Variants in KPNA4 observed in about 807,000 individuals in gnomAD.
KPNA4 encodes the protein importin subunit alpha-3.
In KPNA4, 13 loss-of-function variants were observed where a neutral mutation model predicts 71.3. The observed-to-expected ratio is 0.18, with a 90% CI of 0.12 to 0.29. The LOEUF (loss-of-function observed/expected upper bound fraction) is 0.29, where lower values mean the gene tolerates loss of function less well. Ranked by LOEUF, KPNA4 falls within the 10% of genes least tolerant of loss-of-function variation. KPNA4 has a pLI of 1.00. For missense variants in KPNA4, 334 were observed against 603.2 expected (o/e 0.55, Z 4.67); for synonymous variants, 189 against 195.2 (o/e 0.97, Z 0.26).
At chr3:160,518,133 T>G (rs540048746) in intron 11 of KPNA4, among the ~76,000 whole-genome samples, 2 of 151,554 alleles carry the variant, frequency 1.3e-5, no homozygotes, top group East Asian at 1.9e-4. Context: ...TTCTGAGTTT[T>G]TTTTTTTTTT....
chr3:160,531,980 C>T (rs1721585140), intron 5 of KPNA4, among the ~76,000 whole-genome samples: 1 of 152,030 alleles, frequency 6.6e-6, no homozygotes, highest in African/African-American at 2.4e-5. Flanking sequence ...TTAGTAGAGA[C>T]GGAGTTTCCT....
chr3:160,525,438 C>T (rs1465860776), intron 10 of KPNA4, among the ~76,000 whole-genome samples: 2 of 152,080 alleles, frequency 1.3e-5, no homozygotes, highest in African/African-American at 4.8e-5. Context: ...GTAAAAAGCA[C>T]AAGAACAATT....
At chr3:160,510,037 C>T (rs1721059846) in intron 13 of KPNA4, among the ~76,000 whole-genome samples, 166 bp from the exon 14 acceptor site, 1 of 152,110 alleles carries the variant, frequency 6.6e-6, no homozygotes, top group South Asian at 2.1e-4. Context: ...TATTCCCAAT[C>T]TACCCTAAAT....
chr3:160,516,672 T>C (rs976948146), intron 11 of KPNA4, among the ~76,000 whole-genome samples: 1 of 151,870 alleles, frequency 6.6e-6, no homozygotes, highest in African/African-American at 2.4e-5. Flanking sequence ...CTTGGGAGAC[T>C]GAGGTGGGAG....
chr3:160,508,327 T>TAACACTTTGTGTGATAAC lies in KPNA4; in HGVS notation c.1210-59_1210-58insGTTATCACACAAAGTGTT. 2.4e-6 allele frequency: 3 copies of TAACACTTTGTGTGATAAC among 1,245,148 alleles called. No individual in the cohort carries two copies. The Admixed American group carries it at 8.0e-5, about 33-fold the overall frequency. 77.1% of individuals were successfully genotyped at this position (1,245,148 alleles called of 1,614,324 possible). A position where few individuals can be genotyped will look rare whatever the true frequency, so the allele number is the denominator to read the frequency against. ...TATAGGTAAACTTTGTGTGCCATGT[T>TAACACTTTGTGTGATAAC]ATCTCACTGGAATAATTCTGATTTT... is the stretch of plus-strand genomic sequence containing the variant. On this transcript the variant is annotated intron_variant, in intron 14 of 16. Coordinates refer to ENST00000334256, the MANE Select transcript of KPNA4 (RefSeq NM_002268.5).
chr3:160,552,175 A>G lies in KPNA4; in HGVS notation c.69+13039T>C, dbSNP rs373837977. Among the ~76,000 whole-genome samples the G allele has an allele frequency of 5.3e-5, 8 of 152,346 alleles. No individual in the cohort carries two copies. The East Asian group carries it at 9.6e-4, about 18-fold the overall frequency. ...TACACATGAAAAAGGAAACAATCCAAAAGACTAACAGTAGTGAGAATATGG... is the reference window on the plus strand; with the variant it reads ...TACACATGAAAAAGGAAACAATCCAGAAGACTAACAGTAGTGAGAATATGG... On this transcript the variant is annotated intron_variant, in intron 1 of 16. Coordinates refer to ENST00000334256, the MANE Select transcript of KPNA4 (RefSeq NM_002268.5).
At chr3:160,534,728 A>AAAAAAAAAAAAAG (rs1721649509) in intron 5 of KPNA4, among the ~76,000 whole-genome samples, 1 of 150,888 alleles carries the variant, frequency 6.6e-6, no homozygotes, top group South Asian at 2.1e-4. Context: ...GAAAAAAAAA[A>AAAAAAAAAAAAAG]AAAAAAAGAA....
rs1053920762 is a variant in KPNA4, at chr3:160,515,820, G to A, written c.904-240C>T. On this transcript the variant is annotated intron_variant, in intron 11 of 16. Transcript: ENST00000334256. ...TGTAGAGACAGAGTTTCACCATGTT[G>A]CCCAGGCTGGTCTCGAACTCCTAGG... Among the ~76,000 whole-genome samples the A allele has an allele frequency of 2.6e-5, 4 of 152,080 alleles. No homozygotes were observed. In the East Asian group the frequency reaches 7.7e-4, roughly 29 times the overall value.
At chr3:160,519,319 G>A (rs1393607770) in intron 11 of KPNA4, among the ~76,000 whole-genome samples, 3 of 152,178 alleles carry the variant, frequency 2.0e-5, no homozygotes, top group Non-Finnish European at 1.5e-5. Context: ...GAAAGGAGAA[G>A]AAAGTTGCAC....
rs558110472 is a variant in KPNA4, at chr3:160,528,336, T to C, written c.470-297A>G. Among the ~76,000 whole-genome samples the C allele has an allele frequency of 2.0e-5, 3 of 151,920 alleles. No individual in the cohort carries two copies. The East Asian group carries it at 5.8e-4, about 29-fold the overall frequency. ...TAATTCCTTATAGATTATCTGTAGT[T>C]TGAAAAAAAAAAGTACATTATTGAA... On this transcript the variant is annotated intron_variant, in intron 7 of 16. Coordinates refer to ENST00000334256, the MANE Select transcript of KPNA4 (RefSeq NM_002268.5).
At chr3:160,552,612 A>T (rs749418880) in intron 1 of KPNA4, among the ~76,000 whole-genome samples, 19 of 152,174 alleles carry the variant, frequency 1.2e-4, no homozygotes, top group Non-Finnish European at 2.8e-4. Context: ...TAAGGAAAAC[A>T]GGGGGGTTTA....
At chr3:160,519,402 T>C (rs2108547860) in intron 11 of KPNA4, among the ~76,000 whole-genome samples, 2 of 152,220 alleles carry the variant, frequency 1.3e-5, no homozygotes, top group Admixed American at 1.3e-4. Flanking sequence ...TTGGTAAAAT[T>C]GTGAAAAAAT....
At chr3:160,537,915 T>A (rs967018726) in intron 1 of KPNA4, among the ~76,000 whole-genome samples, 5 of 151,830 alleles carry the variant, frequency 3.3e-5, no homozygotes. Context: ...ACTAGATAAC[T>A]GTGAAAGTCT....
At chr3:160,532,892 C>T (rs116633894) in intron 5 of KPNA4, among the ~76,000 whole-genome samples, 7 of 152,140 alleles carry the variant, frequency 4.6e-5, no homozygotes, top group Non-Finnish European at 8.8e-5. Flanking sequence ...TATCCTAAAC[C>T]CCTCACTTGA....
At chr3:160,522,892 A>AG (rs1392416846) in intron 10 of KPNA4, among the ~76,000 whole-genome samples, 1 of 151,880 alleles carries the variant, frequency 6.6e-6, no homozygotes, top group African/African-American at 2.4e-5. Context: ...TGAAAAAAAA[A>AG]AAAAAGCCTG....
At chr3:160,510,536 T>C (rs1334590102) in intron 13 of KPNA4, among the ~76,000 whole-genome samples, 2 of 152,130 alleles carry the variant, frequency 1.3e-5, no homozygotes, top group South Asian at 2.1e-4. Context: ...TTAAGACAAG[T>C]GGCAACCTGA....
chr3:160,519,104 C>A (rs1418412456), intron 11 of KPNA4, among the ~76,000 whole-genome samples: 1 of 152,012 alleles, frequency 6.6e-6, no homozygotes, highest in Non-Finnish European at 1.5e-5. Context: ...AAAATTCTGC[C>A]AAAAACCAAA....
chr3:160,565,311 C>A lies in KPNA4; in HGVS notation c.-29G>T. On this transcript the variant is annotated 5_prime_UTR_variant, in exon 1 of 17. Transcript: ENST00000334256. ...CGGGCCGGTGACTCCTTCCCCCGCCCGGGCCCCGCGGGATCCGCCCCAACC... is the reference window on the plus strand; with the variant it reads ...CGGGCCGGTGACTCCTTCCCCCGCCAGGGCCCCGCGGGATCCGCCCCAACC... 1 of 1,551,084 alleles carries A rather than the reference C, an allele frequency of 6.4e-7. No homozygotes were observed. Among genetic ancestry groups the A allele is most frequent in the Non-Finnish European group, 8.8e-7 (1 of 1,142,446 alleles).
At chr3:160,539,181 T>C (rs1721749568) in intron 1 of KPNA4, among the ~76,000 whole-genome samples, 1 of 152,148 alleles carries the variant, frequency 6.6e-6, no homozygotes, top group African/African-American at 2.4e-5. Context: ...TCTCTCTCTC[T>C]CTCTCTTCCC....
Sources: allele counts gnomAD v4.1 joint callset (sites outside exome capture counted in the v4.1 genomes callset), GRCh38; gene constraint gnomAD v4.1.1; transcripts MANE v1.5; gene names NCBI Gene and HGNC (gene_info 2026-07-23, HGNC 2026-07-21).